SIK3: variants seen among roughly 807,000 people sequenced by gnomAD.
The protein encoded by SIK3 is SIK family kinase 3.
In SIK3, 28 loss-of-function variants were observed where a neutral mutation model predicts 144.2. That is an observed-to-expected ratio of 0.19 (90% CI 0.14 to 0.27). The LOEUF (loss-of-function observed/expected upper bound fraction) is 0.27. Ranked by LOEUF, SIK3 falls within the 10% of genes least tolerant of loss-of-function variation. The probability of loss-of-function intolerance (pLI) is 1.00; values close to 1 mark genes in which losing one functional copy is unlikely to be tolerated. For synonymous variants in SIK3, 686 were observed against 676.3 expected, an observed-to-expected ratio of 1.01 and a Z score of -0.22; for missense variants, 1,319 against 1,776.0, an observed-to-expected ratio of 0.74 and a Z score of 4.62.
chr11:116,910,355 T>A (rs1422991844), intron 4 of SIK3, among the ~76,000 whole-genome samples: 2 of 152,196 alleles, frequency 1.3e-5, no homozygotes, highest in Admixed American at 1.3e-4. Flanking sequence ...TAAAAACCTG[T>A]ATAACTGAAA....
chr11:117,003,061 T>C (rs1316337640), intron 1 of SIK3, among the ~76,000 whole-genome samples: 1 of 152,028 alleles, frequency 6.6e-6, no homozygotes, highest in Admixed American at 6.5e-5. Flanking sequence ...GCCAGAGCAA[T>C]AGCCACCACC....
chr11:117,023,621 A>AAAAAATATATATAT (rs754624841), intron 1 of SIK3, among the ~76,000 whole-genome samples: 25 of 95,382 alleles, frequency 2.6e-4, no homozygotes, highest in African/African-American at 1.1e-3. Flanking sequence ...AAAAAAAAAA[A>AAAAAATATATATAT]ATATATATAT....
rs1945456387 is a variant in SIK3 at position 116,897,182 on chromosome 11, C to T, written c.741+11G>A. 2 of 1,613,064 alleles carry T rather than the reference C, an allele frequency of 1.2e-6. No homozygotes were observed. The highest frequency in any genetic ancestry group is 1.7e-6 in the Non-Finnish European group (2 of 1,179,484). On this transcript the variant is annotated intron_variant, in intron 5 of 24. Coordinates refer to ENST00000445177, the MANE Select transcript of SIK3 (RefSeq NM_001366686.3). ...TAATGCTGTGGGGTATAAGAGAAGG[C>T]AGTTACTTACCCAGATGTCCACTTT...
chr11:117,021,959 A>AAAAAAC (rs1565565812), intron 1 of SIK3, among the ~76,000 whole-genome samples: 5 of 141,468 alleles, frequency 3.5e-5, no homozygotes, highest in African/African-American at 1.1e-4. Flanking sequence ...AAAAAAAAAA[A>AAAAAAC]AACCTAAAAA....
chr11:116,942,751 G>T (rs1181206375), intron 3 of SIK3, among the ~76,000 whole-genome samples: 6 of 152,214 alleles, frequency 3.9e-5, no homozygotes, highest in Admixed American at 3.3e-4. Context: ...GAAAGATGCC[G>T]ATGTGAGGAG....
Position 116,847,492 on chromosome 11 carries a change from C to G in SIK3, c.3936G>C (p.Gln1312His). 6.2e-7 allele frequency: 1 copy of G among 1,614,206 alleles called. No individual in the cohort carries two copies. The highest frequency in any genetic ancestry group is 1.3e-5 in the African/African-American group (1 of 75,052). Residue 1312 changes from glutamine (Q) to histidine (H), a missense_variant, in exon 23 of 25, where the codon CAG becomes CAC. This residue lies in a region of SIK3 where 646 missense variants were observed against 763.7 expected (regional missense o/e 0.85). Coordinates refer to ENST00000445177, the MANE Select transcript of SIK3 (RefSeq NM_001366686.3). Reference protein sequence around the residue: ...QSSLMGSQQFQDGENEECGAS... With the variant: ...QSSLMGSQQFHDGENEECGAS... ...GCTCCTCACCCTCATTTTCCCCATC[C>G]TGAAACTGCTGGCTGCCCATGAGCG...
At chr11:117,069,773 A>C (rs1347346656) in intron 1 of SIK3, among the ~76,000 whole-genome samples, 1 of 152,188 alleles carries the variant, frequency 6.6e-6, no homozygotes, top group East Asian at 1.9e-4. Context: ...GCACATTCAG[A>C]AAAACATTTA....
intron 1 of SIK3, among the ~76,000 whole-genome samples, chr11:117,096,711 C>T (rs1456964838): frequency 3.3e-5 from 5 of 152,104 alleles, no homozygotes; most frequent in African/African-American, 9.7e-5. Flanking sequence ...ACCCTGACAC[C>T]CTGGTAAGAA....
rs927289719 is a variant in SIK3, at chr11:116,868,071, G to A, written c.1827C>T (p.Ser609=). 1 of 1,550,476 alleles carries A rather than the reference G, an allele frequency of 6.4e-7. No individual in the cohort carries two copies. The highest frequency in any genetic ancestry group is 1.4e-5 in the African/African-American group (1 of 73,042). Residue 609 remains serine (S), a synonymous_variant, in exon 15 of 25, where the codon TCC becomes TCT. Coordinates refer to ENST00000445177, the MANE Select transcript of SIK3 (RefSeq NM_001366686.3). ...TGGTCATGGCCAGTGTATGTCTTTT[G>A]GACCTATTTGCCAAGTACCTGCAAC... is the stretch of plus-strand genomic sequence containing the variant. ...EAVQRYLANR[S]KRHTLAMTNP...
intron 4 of SIK3, among the ~76,000 whole-genome samples, chr11:116,906,930 A>T (rs1946071519): frequency 6.6e-6 from 1 of 152,246 alleles, no homozygotes; most frequent in Non-Finnish European, 1.5e-5. Flanking sequence ...CAGAGTACTT[A>T]GAAACGAACG....
At chr11:116,933,381 C>T (rs1947730010) in intron 3 of SIK3, among the ~76,000 whole-genome samples, 2 of 152,120 alleles carry the variant, frequency 1.3e-5, no homozygotes, top group South Asian at 4.1e-4. Context: ...CCTCGTGCTC[C>T]ACCCGCCTCA....
At chr11:117,045,901 CT>C (rs1416643230) in intron 1 of SIK3, among the ~76,000 whole-genome samples, 14 of 152,276 alleles carry the variant, frequency 9.2e-5, no homozygotes, top group African/African-American at 2.9e-4. Context: ...CCAGTTTAAA[CT>C]TTTTTTATAT....
At chr11:116,994,265 T>C (rs532956315) in intron 1 of SIK3, among the ~76,000 whole-genome samples, 18 of 152,324 alleles carry the variant, frequency 1.2e-4, no homozygotes, top group African/African-American at 4.3e-4. Context: ...AGCCAAACCT[T>C]TGTCCTAAGA....
chr11:116,972,076 G>A, intron 1 of SIK3, among the ~76,000 whole-genome samples: 1 of 142,174 alleles, frequency 7.0e-6, no homozygotes. Flanking sequence ...AACAGAGCGA[G>A]ACTCGGTCTC....
At chr11:116,891,639 T>G (rs577904916) in intron 6 of SIK3, among the ~76,000 whole-genome samples, 2 of 152,120 alleles carry the variant, frequency 1.3e-5, no homozygotes, top group Admixed American at 1.3e-4. Flanking sequence ...GAAAATGATA[T>G]AATCAGATTT....
At chr11:116,876,188 A>C in intron 8 of SIK3, 65 bp downstream of exon 8, 2 of 1,536,690 alleles carry the variant, frequency 1.3e-6, no homozygotes, top group Non-Finnish European at 1.8e-6. Flanking sequence ...AGAAGGCGAA[A>C]AATGGAAAAA....
At chr11:116,881,344 A>G (rs1944537423) in intron 6 of SIK3, among the ~76,000 whole-genome samples, 1 of 152,124 alleles carries the variant, frequency 6.6e-6, no homozygotes, top group South Asian at 2.1e-4. Flanking sequence ...CCGCAGTGAG[A>G]GTCACTGTGG....
chr11:117,026,881 T>G (rs1952032903), intron 1 of SIK3, among the ~76,000 whole-genome samples: 4 of 151,906 alleles, frequency 2.6e-5, no homozygotes, highest in Admixed American at 2.0e-4. Flanking sequence ...ATTAAGAAAC[T>G]CCATGGAAAA....
intron 3 of SIK3, among the ~76,000 whole-genome samples, chr11:116,947,235 ATTTT>A (rs1197583172): frequency 8.2e-4 from 77 of 93,504 alleles, no homozygotes; most frequent in Middle Eastern, 4.9e-3. Flanking sequence ...TTATTTATAT[ATTTT>A]ATATATAATT....
Sources: gnomAD v4.1 joint callset for allele counts (sites outside exome capture counted in the v4.1 genomes callset) on GRCh38, gnomAD v4.1.1 for gene constraint, gnomAD v4.1.1 regional missense constraint, MANE v1.5 for transcripts, NCBI Gene and HGNC (gene_info 2026-07-23, HGNC 2026-07-21) for gene names.